The following CREM variants were observed in gnomAD, a reference collection of about 807,000 sequenced individuals.
CREM encodes the protein cAMP responsive element modulator.
A neutral mutation model predicts 37.3 loss-of-function variants in CREM; 13 were observed. That is an observed-to-expected ratio of 0.35 (90% confidence interval 0.23 to 0.55). CREM has a LOEUF of 0.55. Ranked by LOEUF, CREM falls within the 20% of genes least tolerant of loss-of-function variation. The pLI, the probability that CREM is intolerant of heterozygous loss-of-function variation, is 0.88. For synonymous variants in CREM, 124 were observed against 120.2 expected (o/e 1.03, Z -0.21); for missense variants, 296 against 362.3 (o/e 0.82, Z 1.49).
At chr10:35,184,928 A>C (rs1443013068) in intron 5 of CREM, among the ~76,000 whole-genome samples, 3 of 152,112 alleles carry the variant, frequency 2.0e-5, no homozygotes, top group African/African-American at 7.2e-5. Context: ...GTGTTGAAAA[A>C]CTAGGTTCTA....
intron 1 of CREM, among the ~76,000 whole-genome samples, 155 bp from the exon 2 acceptor site, chr10:35,137,627 T>TG (rs1003418921): frequency 1.4e-4 from 21 of 152,066 alleles, no homozygotes; most frequent in African/African-American, 3.1e-4. Flanking sequence ...TTTTTTTTGG[T>TG]GGGGGGGAGT....
intron 5 of CREM, among the ~76,000 whole-genome samples, chr10:35,183,920 C>A (rs2094452049): frequency 6.6e-6 from 1 of 152,096 alleles, no homozygotes; most frequent in Non-Finnish European, 1.5e-5. Flanking sequence ...ACTGAAAATA[C>A]AAAATTAGCC....
intron 6 of CREM, among the ~76,000 whole-genome samples, chr10:35,201,836 TA>T (rs1381186338): frequency 6.6e-6 from 1 of 152,106 alleles, no homozygotes; most frequent in African/African-American, 2.4e-5. Context: ...GTCTTAGAGG[TA>T]AAGGTTTAGC....
Sources: gnomAD v4.1 joint callset for allele counts (sites outside exome capture counted in the v4.1 genomes callset) on GRCh38, gnomAD v4.1.1 for gene constraint, MANE v1.5 for transcripts, NCBI Gene and HGNC (gene_info 2026-07-23, HGNC 2026-07-21) for gene names.